The following SP6 variants were observed in gnomAD, a reference collection of about 807,000 sequenced individuals.
SP6 encodes transcription factor Sp6.
SP6 carries 10 observed loss-of-function variants against 23.4 expected under a neutral mutation model. The observed-to-expected ratio is 0.43, with a 90% CI of 0.26 to 0.72. SP6 has a LOEUF of 0.72. Among genes scored for constraint, SP6 ranks in the 30% least tolerant of loss-of-function variants. The pLI is 0.23. For synonymous variants in SP6, 238 were observed against 238.7 expected (o/e 1.00, Z 0.03); for missense variants, 482 against 523.8 (o/e 0.92, Z 0.78).
In SP6 at chr17:47,847,875, C is replaced by T. The variant is rs753179446; in HGVS notation, c.555G>A (p.Pro185=). Residue 185 remains proline, a synonymous_variant, in exon 2 of 2, where the codon CCG becomes CCA. Coordinates refer to ENST00000536300, the MANE Select transcript of SP6 (RefSeq NM_001258248.2). ...CTTCCAAGGCCTTAGCCCCGTCGGGCGGCCCTAGGAGATGCTGCCCTCCGG... is the reference window on the plus strand; with the variant it reads ...CTTCCAAGGCCTTAGCCCCGTCGGGTGGCCCTAGGAGATGCTGCCCTCCGG... The part of the protein sequence containing the change: ...PAAGGQHLLG[P]PDGAKALEVA... The T allele has an allele frequency of 1.9e-6, 3 of 1,540,522 alleles. No homozygotes were observed. Among genetic ancestry groups the T allele is most frequent in the Admixed American group, 2.0e-5 (1 of 48,862 alleles).
the SP6 span, among the ~76,000 whole-genome samples, chr17:47,863,114 A>G: frequency 1.3e-5 from 2 of 152,278 alleles, no homozygotes; most frequent in Non-Finnish European, 2.9e-5. Context: ...GGACCACAGC[A>G]GGAGGGCCCT....
chr17:47,848,537 C>G lies in SP6; in HGVS notation c.-57-51G>C. 1 of 1,065,262 alleles carries G rather than the reference C, an allele frequency of 9.4e-7. No individual in the cohort carries two copies. The highest frequency in any genetic ancestry group is 1.3e-6 in the Non-Finnish European group (1 of 753,924). 66.0% of individuals were successfully genotyped at this position (1,065,262 alleles called of 1,614,324 possible). A position where few individuals can be genotyped will look rare whatever the true frequency, so the allele number is the denominator to read the frequency against. ...GTAAGGGAAATAACCAGCTCACTTTCCCTCCTAACCCAGGTCCTCCTCTCT... is the reference window on the plus strand; with the variant it reads ...GTAAGGGAAATAACCAGCTCACTTTGCCTCCTAACCCAGGTCCTCCTCTCT... On this transcript the variant is annotated intron_variant, in intron 1 of 1. Transcript: ENST00000536300. This position sits in a 1 kb window ranked among gnomAD's most constrained non-coding sequence, Gnocchi z 5.3.
At chr17:47,859,303 C>A (rs560028477), upstream of SP6, among the ~76,000 whole-genome samples, 6 of 152,330 alleles carry the variant, frequency 3.9e-5, no homozygotes, top group South Asian at 6.2e-4. Flanking sequence ...CCCCTGCCAG[C>A]CATTCTTGCC....
the SP6 span, among the ~76,000 whole-genome samples, chr17:47,867,139 G>A: frequency 1.8e-4 from 28 of 152,244 alleles, no homozygotes; most frequent in East Asian, 7.7e-4. Flanking sequence ...CCGTCTTATC[G>A]CGCTGCCCCA....
In SP6 at chr17:47,848,397, G is replaced by A. The variant is rs1029621436; in HGVS notation, c.33C>T (p.Ser11=). ...AGGCGTGCGGCGCTTCCGTGTGCTG[G>A]CTGCCCAGAGAGCCGCAGACAGCGG... MLTAVCGSLG[S]QHTEAPHASP... is the part of the protein sequence containing the mutation. The change falls in exon 2 of 2, where the codon AGC becomes AGT. Residue 11 remains serine (S), a synonymous_variant. Coordinates refer to ENST00000536300, the MANE Select transcript of SP6 (RefSeq NM_001258248.2). The surrounding 1 kb of genome is among the most constrained non-coding windows in gnomAD (Gnocchi z 5.3). The A allele has an allele frequency of 9.1e-6, 14 of 1,540,960 alleles. No individual in the cohort carries two copies. Among genetic ancestry groups the A allele is most frequent in the African/African-American group, 2.7e-5 (2 of 72,926 alleles).
Position 47,848,065 on chromosome 17 carries a change from T to C in SP6, c.365A>G (p.Asp122Gly). The change falls in exon 2 of 2, where the codon GAC becomes GGC. Residue 122 changes from aspartate (D) to glycine (G), a missense_variant. Around this residue, in one of 3 missense-constraint regions of SP6, gnomAD observed 330 missense variants for 332.3 expected, o/e 0.99. Coordinates refer to ENST00000536300, the MANE Select transcript of SP6 (RefSeq NM_001258248.2). The surrounding 1 kb of genome is among the most constrained non-coding windows in gnomAD (Gnocchi z 5.3). ...CATCCAGCTGGTGCCCGGATGAAGGTCCCACCACGAGCCATCCTCCGCGCC... is the reference window on the plus strand; with the variant it reads ...CATCCAGCTGGTGCCCGGATGAAGGCCCCACCACGAGCCATCCTCCGCGCC... ...HPGAEDGSWW[D>G]LHPGTSWMDL... 6.2e-7 allele frequency: 1 copy of C among 1,612,990 alleles called. No individual in the cohort carries two copies. The highest frequency in any genetic ancestry group is 8.5e-7 in the Non-Finnish European group (1 of 1,179,828).
chr17:47,847,961 C>A lies in SP6; in HGVS notation c.469G>T (p.Gly157Ter). 1 of 1,574,248 alleles carries A rather than the reference C, an allele frequency of 6.4e-7. No individual in the cohort carries two copies. Reference protein sequence around the residue: ...ALQAGLGGYVGDHQLCAPPPH... With the variant: ...ALQAGLGGYV Reference sequence around the variant, plus strand: ...GGCGGGGCACAAAGCTGGTGGTCTCCGACGTAGCCCCCCAAGCCCGCCTGA... The same window carrying A: ...GGCGGGGCACAAAGCTGGTGGTCTCAGACGTAGCCCCCCAAGCCCGCCTGA... Residue 157 changes from glycine to a stop codon, truncating the protein, a stop_gained, in exon 2 of 2, where the codon GGA (glycine) becomes TGA (stop). Transcript: ENST00000536300. LOFTEE classifies it high-confidence loss of function.
rs1380700663 is a variant in SP6, at chr17:47,847,722, C to T, written c.708G>A (p.Ala236=). The T allele has an allele frequency of 1.0e-5, 16 of 1,595,794 alleles. No individual in the cohort carries two copies. The highest frequency in any genetic ancestry group is 1.4e-5 in the Non-Finnish European group (16 of 1,169,714). ...TVCRCPNCLE[A]ERLGAPCGPD... ...GCCCACATGGAGCCCCCAGTCGCTC[C>T]GCCTCCAGACAGTTGGGGCAGCGAC... The change falls in exon 2 of 2, where the codon GCG becomes GCA. Residue 236 remains alanine, a synonymous_variant. Coordinates refer to ENST00000536300, the MANE Select transcript of SP6 (RefSeq NM_001258248.2).
intron 1 of SP6, among the ~76,000 whole-genome samples, chr17:47,849,861 C>A (rs540624105): frequency 2.6e-5 from 4 of 152,284 alleles, no homozygotes; most frequent in African/African-American, 7.2e-5. Context: ...GTGCCTGGGT[C>A]TTCTCTACTG....
At position 47,845,566 on chromosome 17, in the gene SP6, C is replaced by T. The variant is rs1205824198; in HGVS notation, c.*1733G>A. 6.6e-6 allele frequency: 1 copy of T among 152,554 alleles called. No homozygotes were observed. The highest frequency in any genetic ancestry group is 2.4e-5 in the African/African-American group (1 of 41,392). The allele number at this position is 152,554 out of a possible 1,614,324, so 9.5% of individuals were successfully genotyped here. The stretch of plus-strand genomic sequence containing the variant: ...TTCCCATATAGCTCCCAGACCTTGG[C>T]TGGGCTCCAGCATCTACAAAGGAGG... On this transcript the variant is annotated 3_prime_UTR_variant, in exon 2 of 2. Transcript: ENST00000536300.
the SP6 span, among the ~76,000 whole-genome samples, chr17:47,870,401 TG>T: frequency 6.6e-6 from 1 of 152,124 alleles, no homozygotes; most frequent in Non-Finnish European, 1.5e-5. Flanking sequence ...AAGAAGCTGC[TG>T]GTCCCCACCT....
At chr17:47,862,698 C>T in the SP6 span, among the ~76,000 whole-genome samples, 12 of 152,126 alleles carry the variant, frequency 7.9e-5, no homozygotes, top group Admixed American at 3.3e-4. Context: ...AACCAAGATT[C>T]GTAGAGGGGA....
At chr17:47,861,548 C>T in the SP6 span, among the ~76,000 whole-genome samples, 1 of 152,186 alleles carries the variant, frequency 6.6e-6, no homozygotes, top group African/African-American at 2.4e-5. Context: ...GCCTGGCCAA[C>T]ATGGTGAAAA....
chr17:47,857,843 A>G (rs529847450), upstream of SP6, among the ~76,000 whole-genome samples: 2 of 152,036 alleles, frequency 1.3e-5, no homozygotes, highest in African/African-American at 4.8e-5. Context: ...GAAGCTGAAG[A>G]CCCAGTGGGG....
the SP6 span, among the ~76,000 whole-genome samples, chr17:47,868,769 C>A: frequency 2.0e-5 from 3 of 151,952 alleles, no homozygotes; most frequent in Non-Finnish European, 4.4e-5. Context: ...TTGGAACAGG[C>A]AGAGGGGAGG....
the SP6 span, among the ~76,000 whole-genome samples, chr17:47,870,057 C>CTG: frequency 2.6e-5 from 4 of 152,228 alleles, no homozygotes; most frequent in Non-Finnish European, 5.9e-5. Flanking sequence ...AATTTCTGGA[C>CTG]TGTGTGTGTG....
At position 47,847,208 on chromosome 17, in the gene SP6, C is replaced by G; in HGVS notation, c.*91G>C. The G allele has an allele frequency of 1.5e-6, 2 of 1,326,756 alleles. No individual in the cohort carries two copies. The highest frequency in any genetic ancestry group is 2.0e-6 in the Non-Finnish European group (2 of 997,556). The allele number at this position is 1,326,756 out of a possible 1,614,324, so 82.2% of individuals were successfully genotyped here. A position where few individuals can be genotyped will look rare whatever the true frequency, so the allele number is the denominator to read the frequency against. On this transcript the variant is annotated 3_prime_UTR_variant, in exon 2 of 2. Coordinates refer to ENST00000536300, the MANE Select transcript of SP6 (RefSeq NM_001258248.2). ...TCCCTGAATAAATACGCACCTTCCC[C>G]TCTTCCTCAAGCCACCCCCAAGGAC...
At chr17:47,850,549 A>G (rs1004528426) in intron 1 of SP6, among the ~76,000 whole-genome samples, 9 of 152,232 alleles carry the variant, frequency 5.9e-5, no homozygotes, top group Non-Finnish European at 8.8e-5. Context: ...AGGCCTAGAA[A>G]GAGTTCAGGA....
the SP6 span, among the ~76,000 whole-genome samples, chr17:47,870,714 G>A: frequency 1.3e-5 from 2 of 152,124 alleles, no homozygotes; most frequent in Non-Finnish European, 2.9e-5. Flanking sequence ...TATCCAGCTG[G>A]GAAGGGATCC....
Sources: allele counts gnomAD v4.1 joint callset (sites outside exome capture counted in the v4.1 genomes callset), GRCh38; gene constraint gnomAD v4.1.1; regional missense constraint gnomAD v4.1.1; non-coding constraint Gnocchi (gnomAD v3.1); transcripts MANE v1.5; gene names NCBI Gene and HGNC (gene_info 2026-07-23, HGNC 2026-07-21).